The following PISD variants were observed in gnomAD, a reference collection of about 807,000 sequenced individuals.
The protein encoded by PISD is phosphatidylserine decarboxylase, also known as phosphatidylserine decarboxylase proenzyme, mitochondrial.
A neutral mutation model predicts 43.5 loss-of-function variants in PISD; 31 were observed. The ratio of observed to expected loss-of-function variants is 0.71; its 90% CI spans 0.54 to 0.96. PISD has a LOEUF of 0.96. PISD is among the 40% of genes least tolerant of loss of function. The probability of loss-of-function intolerance (pLI) is 0.00; values close to 1 mark genes in which losing one functional copy is unlikely to be tolerated. For missense variants in PISD, 523 were observed against 548.4 expected (o/e 0.95, Z 0.46); for synonymous variants, 259 against 228.7 (o/e 1.13, Z -1.20).
At chr22:31,631,777 T>C (rs2073215052) in intron 3 of PISD, among the ~76,000 whole-genome samples, 2 of 152,222 alleles carry the variant, frequency 1.3e-5, no homozygotes, top group Admixed American at 1.3e-4. Flanking sequence ...TTAAGTAGCC[T>C]TGTTCACATC....
In PISD at chr22:31,620,977, A is replaced by C. The variant is rs2072526711; in HGVS notation, c.844+19T>G. The C allele has an allele frequency of 1.3e-6, 2 of 1,599,674 alleles. No homozygotes were observed. Among genetic ancestry groups the C allele is most frequent in the Non-Finnish European group, 1.7e-6 (2 of 1,174,354 alleles). On this transcript the variant is annotated intron_variant, in intron 6 of 7. Transcript: ENST00000439502. ...GAAGCCCACAGAGGCAGCTCCCCCC[A>C]CGCTGGCCCCGGGCTGACCTGGGAA...
intron 7 of PISD, 98 bp from the exon 8 acceptor site, chr22:31,619,934 CCCA>C: frequency 1.3e-6 from 1 of 760,902 alleles, no homozygotes; most frequent in Non-Finnish European, 2.1e-6. Flanking sequence ...GTTGCTTGTC[CCCA>C]CCACCACCCA....
At chr22:31,621,605 G>A (rs1223622918) in intron 4 of PISD, 44 bp downstream of exon 4, 2 of 1,601,986 alleles carry the variant, frequency 1.2e-6, no homozygotes, top group Non-Finnish European at 8.5e-7. Flanking sequence ...TGGGGAGGCA[G>A]GAAAAAGTCC....
Position 31,619,743 on chromosome 22 carries a change from T to C in PISD, c.1099A>G (p.Lys367Glu). 3.1e-6 allele frequency: 5 copies of C among 1,614,164 alleles called. No homozygotes were observed. The highest frequency in any genetic ancestry group is 1.3e-5 in the African/African-American group (1 of 75,056). Residue 367 changes from lysine (K) to glutamate (E), a missense_variant, in exon 8 of 8, where the codon AAG becomes GAG. Coordinates refer to ENST00000439502, the MANE Select transcript of PISD (RefSeq NM_001326411.2). Reference sequence around the variant, plus strand: ...TTGAACTCGCCCAGGTGCTCGCCCTTACGCATGGGGACGCCCTCTCTATTG... The same window carrying C: ...TTGAACTCGCCCAGGTGCTCGCCCTCACGCATGGGGACGCCCTCTCTATTG... ...HTNREGVPMR[K>E]GEHLGEFNLG...
At chr22:31,636,686 C>T (rs950831357) in intron 3 of PISD, among the ~76,000 whole-genome samples, 39 of 152,134 alleles carry the variant, frequency 2.6e-4, no homozygotes, top group Non-Finnish European at 4.6e-4. Flanking sequence ...ACTACAGGCG[C>T]CCGCCACCAC....
intron 1 of PISD, among the ~76,000 whole-genome samples, chr22:31,653,785 C>T (rs1413625982): frequency 1.3e-5 from 2 of 152,196 alleles, no homozygotes; most frequent in African/African-American, 4.8e-5. Flanking sequence ...GAGTTCGAGA[C>T]CAGCCTGGCC....
intron 1 of PISD, among the ~76,000 whole-genome samples, chr22:31,659,668 T>C (rs2074267480): frequency 6.6e-6 from 1 of 152,016 alleles, no homozygotes; most frequent in African/African-American, 2.4e-5. Flanking sequence ...CTCGGCTCAC[T>C]GCAACTTCCG....
intron 3 of PISD, 96 bp from the exon 4 acceptor site, chr22:31,621,981 A>G (rs2072610147): frequency 1.1e-6 from 1 of 931,798 alleles, no homozygotes; most frequent in Admixed American, 1.8e-5. Context: ...TTCAGGGGAG[A>G]ATCTGCACCC....
intron 3 of PISD, among the ~76,000 whole-genome samples, chr22:31,642,617 ACCCCATCT>A (rs1344081850): frequency 6.7e-6 from 1 of 149,756 alleles, no homozygotes. Flanking sequence ...ACACGGTGAA[ACCCCATCT>A]CTACTAAAAA....
At chr22:31,638,629 C>T (rs1470511311) in intron 3 of PISD, 1 of 985,086 alleles carries the variant, frequency 1.0e-6, no homozygotes, top group African/African-American at 1.7e-5. Context: ...GCCACAAAAA[C>T]CAGTTCTGTC....
chr22:31,650,122 G>A (rs184880609), intron 2 of PISD, among the ~76,000 whole-genome samples: 119 of 152,222 alleles, frequency 7.8e-4, no homozygotes, highest in African/African-American at 2.8e-3. Context: ...TAGTAATCAG[G>A]GAAATGCAAA....
At chr22:31,634,116 A>C (rs944227065) in intron 3 of PISD, among the ~76,000 whole-genome samples, 6 of 152,176 alleles carry the variant, frequency 3.9e-5, no homozygotes, top group Non-Finnish European at 7.4e-5. Flanking sequence ...TTCATGCACT[A>C]CTTCTAAGGG....
In PISD at chr22:31,662,188, G is replaced by A. The variant is rs1190374440; in HGVS notation, c.21C>T (p.His7=). The A allele has an allele frequency of 6.2e-7, 1 of 1,605,286 alleles. No individual in the cohort carries two copies. The highest frequency in any genetic ancestry group is 8.5e-7 in the Non-Finnish European group (1 of 1,179,820). MATSVG[H]RCLGLLHGVA... Reference sequence around the variant, plus strand: ...CCCCGTGCAGTAATCCCAGACATCGGTGCCCCACGGACGTCGCCATCTTGT... The same window carrying A: ...CCCCGTGCAGTAATCCCAGACATCGATGCCCCACGGACGTCGCCATCTTGT... Residue 7 remains histidine (H), a synonymous_variant, in exon 1 of 8, where the codon CAC becomes CAT. Transcript: ENST00000439502.
At chr22:31,623,700 C>T (rs2072711607) in intron 3 of PISD, 1 of 1,613,712 alleles carries the variant, frequency 6.2e-7, no homozygotes, top group African/African-American at 1.3e-5. Context: ...TACGGGCCTC[C>T]ATCCCACCCG....
chr22:31,651,710 T>C (rs1282836505), intron 1 of PISD, among the ~76,000 whole-genome samples: 1 of 152,052 alleles, frequency 6.6e-6, no homozygotes, highest in Non-Finnish European at 1.5e-5. Flanking sequence ...ATCGTGACAT[T>C]GCACTCCACC....
intron 2 of PISD, 70 bp downstream of exon 2, chr22:31,650,629 T>G: frequency 2.3e-6 from 2 of 873,090 alleles, no homozygotes; most frequent in Non-Finnish European, 3.7e-6. Context: ...CAACCCTATG[T>G]TTATCCCAAT....
chr22:31,656,831 T>C (rs979959766), intron 1 of PISD, among the ~76,000 whole-genome samples: 2 of 152,084 alleles, frequency 1.3e-5, no homozygotes, highest in African/African-American at 2.4e-5. Context: ...CTGTTTGCTA[T>C]GCTGGGCACA....
At chr22:31,658,208 T>C in intron 1 of PISD, among the ~76,000 whole-genome samples, 1 of 152,228 alleles carries the variant, frequency 6.6e-6, no homozygotes, top group Non-Finnish European at 1.5e-5. Context: ...ACATGCATTC[T>C]ACATCGCATC....
chr22:31,647,285 C>T (rs914182610), intron 3 of PISD, among the ~76,000 whole-genome samples: 2 of 152,132 alleles, frequency 1.3e-5, no homozygotes, highest in Non-Finnish European at 2.9e-5. Context: ...ACAGCTACTG[C>T]GGAGCATGGT....
Sources: allele counts gnomAD v4.1 joint callset (sites outside exome capture counted in the v4.1 genomes callset), GRCh38; gene constraint gnomAD v4.1.1; transcripts MANE v1.5; gene names NCBI Gene and HGNC (gene_info 2026-07-23, HGNC 2026-07-21).